The following NAA16 variants were observed in gnomAD, a reference collection of about 807,000 sequenced individuals.
NAA16 encodes NARG1-like protein.
In NAA16, 97 loss-of-function variants were observed where a neutral mutation model predicts 110.3. The ratio of observed to expected loss-of-function variants is 0.88; its 90% CI spans 0.75 to 1.04. The LOEUF (loss-of-function observed/expected upper bound fraction) is 1.04, where lower values mean the gene tolerates loss of function less well. NAA16 is among the 50% of genes least tolerant of loss of function. NAA16 has a pLI of 0.00. For synonymous variants in NAA16, 372 were observed against 330.6 expected, an observed-to-expected ratio of 1.13 and a Z score of -1.36; for missense variants, 1,017 against 1,005.1, an observed-to-expected ratio of 1.01 and a Z score of -0.16.
chr13:41,317,021 G>A (rs930310139), intron 2 of NAA16, 91 bp downstream of exon 2: 3 of 888,152 alleles, frequency 3.4e-6, no homozygotes, highest in Non-Finnish European at 3.8e-6. Context: ...CGATTCCAGG[G>A]CCTTGCAGTT....
At chr13:41,325,568 C>T (rs2042071257) in intron 5 of NAA16, 130 bp from the exon 6 acceptor site, 9 of 471,814 alleles carry the variant, frequency 1.9e-5, no homozygotes, top group Non-Finnish European at 3.4e-5. Context: ...AATCACTCTT[C>T]TGTTTGTATC....
At position 41,330,286 on chromosome 13, in the gene NAA16, G is replaced by A. The variant is rs113781292; in HGVS notation, c.812-988G>A. 4.6e-3 allele frequency among the ~76,000 whole-genome samples: 702 copies of A among 151,364 alleles called. 3 individuals carry two copies. Among genetic ancestry groups the A allele is most frequent in the African/African-American group, 0.016 (642 of 40,982 alleles). ...AACATATTACTGGGGGAAGGAATGC[G>A]TCTAAACGAGATCACACCTCTTCAA... is the stretch of plus-strand genomic sequence containing the variant. On this transcript the variant is annotated intron_variant, in intron 7 of 19. Coordinates refer to ENST00000379406, the MANE Select transcript of NAA16 (RefSeq NM_024561.5).
At chr13:41,319,515 A>T (rs569895591) in intron 3 of NAA16, among the ~76,000 whole-genome samples, 9 of 151,666 alleles carry the variant, frequency 5.9e-5, no homozygotes, top group East Asian at 5.8e-4. Flanking sequence ...GTAAAAAAAA[A>T]TTTTTTTTTG....
chr13:41,322,206 ACT>A (rs1446491533), intron 4 of NAA16, among the ~76,000 whole-genome samples: 2 of 151,376 alleles, frequency 1.3e-5, no homozygotes, highest in South Asian at 4.2e-4. Context: ...ACATAGGGAG[ACT>A]CTGTCTCTAA....
intron 10 of NAA16, among the ~76,000 whole-genome samples, chr13:41,356,057 C>T (rs1325909471): frequency 1.3e-5 from 2 of 152,160 alleles, no homozygotes; most frequent in East Asian, 1.9e-4. Flanking sequence ...CACTGTGTTG[C>T]GCAAGCTGAA....
In NAA16 at chr13:41,323,426, C is replaced by T. The variant is rs559849275; in HGVS notation, c.537+236C>T. ...AGTGCAGTGGCACGATCTCGGCTTG[C>T]TGCAAGCTCTGCCTCCCGGGTTCAA... On this transcript the variant is annotated intron_variant, in intron 5 of 19. Transcript: ENST00000379406. Among the ~76,000 whole-genome samples the T allele has an allele frequency of 2.0e-5, 3 of 151,290 alleles. No individual in the cohort carries two copies. The East Asian group carries it at 5.8e-4, about 29-fold the overall frequency.
intron 1 of NAA16, among the ~76,000 whole-genome samples, chr13:41,314,595 A>G (rs1467099084): frequency 2.6e-5 from 4 of 152,192 alleles, no homozygotes; most frequent in Non-Finnish European, 5.9e-5. Flanking sequence ...CAAGGCTTAA[A>G]GATGGTCTCA....
chr13:41,372,726 A>G lies in NAA16; in HGVS notation c.2057-6A>G. On this transcript the variant is annotated splice_region_variant and splice_polypyrimidine_tract_variant and intron_variant, in intron 16 of 19. Transcript: ENST00000379406. ...TGCTATTACTTTTGTATTTTTTCTG[A>G]CACAGGAAAGTTTCTGTTAATGCTG... 6.3e-7 allele frequency: 1 copy of G among 1,585,658 alleles called. No homozygotes were observed. The highest frequency in any genetic ancestry group is 8.6e-7 in the Non-Finnish European group (1 of 1,163,942).
At chr13:41,337,542 CA>C (rs11370011) in intron 9 of NAA16, among the ~76,000 whole-genome samples, 22 of 134,366 alleles carry the variant, frequency 1.6e-4, no homozygotes, top group Non-Finnish European at 1.4e-4. Flanking sequence ...GACTCCGTCT[CA>C]AAAAAAAAAA....
chr13:41,325,645 G>A, intron 5 of NAA16, 53 bp from the exon 6 acceptor site: 1 of 1,270,944 alleles, frequency 7.9e-7, no homozygotes, highest in Non-Finnish European at 1.1e-6. Context: ...TTAAAGGTCT[G>A]TAACTGCTTT....
intron 16 of NAA16, 28 bp downstream of exon 16, chr13:41,372,339 A>C: frequency 1.3e-6 from 2 of 1,555,784 alleles, no homozygotes; most frequent in Non-Finnish European, 1.7e-6. Context: ...TTCAGTTTTT[A>C]ATCTTTAATT....
At chr13:41,331,507 A>G (rs2042237531) in intron 8 of NAA16, 138 bp downstream of exon 8, 1 of 527,114 alleles carries the variant, frequency 1.9e-6, no homozygotes, top group Non-Finnish European at 3.4e-6. Context: ...TTATGAGTTT[A>G]TATGTTAAGA....
At chr13:41,371,470 A>G (rs532479933) in intron 15 of NAA16, among the ~76,000 whole-genome samples, 6 of 152,286 alleles carry the variant, frequency 3.9e-5, no homozygotes, top group African/African-American at 7.2e-5. Context: ...CACCCCTGCC[A>G]TCCTTGAGGT....
At chr13:41,373,185 A>G (rs1445087119) in intron 17 of NAA16, 2 of 883,206 alleles carry the variant, frequency 2.3e-6, no homozygotes, top group Non-Finnish European at 2.7e-6. Context: ...GGATGTATTT[A>G]TATTCCAAAG....
chr13:41,312,835 G>C (rs1200701645), intron 1 of NAA16, among the ~76,000 whole-genome samples: 1 of 152,136 alleles, frequency 6.6e-6, no homozygotes, highest in Non-Finnish European at 1.5e-5. Context: ...CCAATAATAA[G>C]ATACAAATGT....
At chr13:41,374,440 A>G (rs2043388561) in intron 18 of NAA16, 2 of 195,732 alleles carry the variant, frequency 1.0e-5, no homozygotes, top group South Asian at 2.9e-4. Context: ...AAGGGGAGGA[A>G]GTTGTTGAGT....
At chr13:41,374,921 C>A in intron 19 of NAA16, 82 bp downstream of exon 19, 1 of 796,240 alleles carries the variant, frequency 1.3e-6, no homozygotes, top group Non-Finnish European at 2.1e-6. Flanking sequence ...CTTGAGTAGG[C>A]CTTCAGAATT....
intron 15 of NAA16, among the ~76,000 whole-genome samples, chr13:41,370,609 A>G (rs2043297111): frequency 6.6e-6 from 1 of 152,210 alleles, no homozygotes; most frequent in South Asian, 2.1e-4. Flanking sequence ...GATTGGTTCC[A>G]TCCATGCTTT....
At chr13:41,355,637 C>G (rs1031304869) in intron 10 of NAA16, among the ~76,000 whole-genome samples, 1 of 152,088 alleles carries the variant, frequency 6.6e-6, no homozygotes, top group Non-Finnish European at 1.5e-5. Context: ...ACCATGTTGG[C>G]CAGGCTGGTC....
Sources: allele counts gnomAD v4.1 joint callset (sites outside exome capture counted in the v4.1 genomes callset), GRCh38; gene constraint gnomAD v4.1.1; transcripts MANE v1.5; gene names NCBI Gene and HGNC (gene_info 2026-07-23, HGNC 2026-07-21).